The following PHACTR1 variants were observed in gnomAD, a reference collection of about 807,000 sequenced individuals.
PHACTR1 encodes the protein RPEL repeat containing 1.
Under a neutral mutation model 69.2 loss-of-function variants are expected in PHACTR1, and 16 were observed. The observed-to-expected ratio is 0.23, with a 90% CI of 0.16 to 0.35. The LOEUF is 0.35. Ranked by LOEUF, PHACTR1 falls within the 10% of genes least tolerant of loss-of-function variation. The probability of loss-of-function intolerance (pLI) is 1.00; values close to 1 mark genes in which losing one functional copy is unlikely to be tolerated. For missense variants in PHACTR1, 510 were observed against 734.7 expected (o/e 0.69, Z 3.54); for synonymous variants, 312 against 284.5 (o/e 1.10, Z -0.97).
At chr6:12,803,496 C>A (rs148480924) in intron 4 of PHACTR1, among the ~76,000 whole-genome samples, 1 of 152,170 alleles carries the variant, frequency 6.6e-6, no homozygotes, top group Non-Finnish European at 1.5e-5. Context: ...CGTGCCAAAA[C>A]CATGCTACTC....
At chr6:13,211,338 G>T (rs1235589242) in intron 8 of PHACTR1, among the ~76,000 whole-genome samples, 1 of 151,672 alleles carries the variant, frequency 6.6e-6, no homozygotes, top group African/African-American at 2.4e-5. Context: ...TCATTTCAAA[G>T]ATGATGCAGT....
intron 6 of PHACTR1, among the ~76,000 whole-genome samples, chr6:13,167,356 C>T (rs1039278973): frequency 6.6e-6 from 1 of 152,236 alleles, no homozygotes; most frequent in African/African-American, 2.4e-5. Flanking sequence ...CAGTGTCACT[C>T]ACTTTGTATG....
chr6:12,933,509 C>G (rs1186784346), intron 4 of PHACTR1: 39 of 1,472,384 alleles, frequency 2.6e-5, no homozygotes, highest in Non-Finnish European at 3.4e-5. Context: ...AGGCAGCAAA[C>G]AGATCGGTTA....
At chr6:13,119,421 C>G (rs1272763550) in intron 5 of PHACTR1, among the ~76,000 whole-genome samples, 1 of 152,216 alleles carries the variant, frequency 6.6e-6, no homozygotes, top group Non-Finnish European at 1.5e-5. Context: ...CCTACACATA[C>G]TGACCTCACT....
intron 4 of PHACTR1, among the ~76,000 whole-genome samples, chr6:12,987,042 A>AAT (rs66534138): frequency 0.19 from 29,349 of 152,092 alleles, 3,182 homozygotes; most frequent in South Asian, 0.28. Context: ...TCACAATTGG[A>AAT]ATATATATAT....
intron 5 of PHACTR1, among the ~76,000 whole-genome samples, chr6:13,126,791 G>T (rs552639922): frequency 2.0e-5 from 3 of 152,356 alleles, no homozygotes; most frequent in African/African-American, 7.2e-5. Context: ...GGTAGATATG[G>T]AATTTGTGCT....
chr6:13,216,917 T>A (rs1335600240), intron 8 of PHACTR1, among the ~76,000 whole-genome samples: 1 of 152,078 alleles, frequency 6.6e-6, no homozygotes, highest in Admixed American at 6.6e-5. Context: ...TTTTAAGACT[T>A]AAGAGGATTA....
intron 4 of PHACTR1, among the ~76,000 whole-genome samples, chr6:12,982,943 C>A (rs1454621627): frequency 6.6e-6 from 1 of 152,162 alleles, no homozygotes; most frequent in Non-Finnish European, 1.5e-5. Context: ...TTTTGAATTT[C>A]TTCTTTGATC....
At chr6:12,995,256 CAG>C (rs2127613144) in intron 4 of PHACTR1, among the ~76,000 whole-genome samples, 1 of 140,586 alleles carries the variant, frequency 7.1e-6, no homozygotes, top group East Asian at 2.1e-4. Context: ...AAAAAAAAAA[CAG>C]AAACAAAATA....
In PHACTR1 at chr6:13,177,172, TAAAA is replaced by T. The variant is rs530741132; in HGVS notation, c.497-5319_497-5316del. Among the ~76,000 whole-genome samples, 257 of 63,334 alleles carry T rather than the reference TAAAA, an allele frequency of 4.1e-3. 5 individuals are homozygous for T. The highest frequency in any genetic ancestry group is 0.01 in the African/African-American group (98 of 9,774). 41.5% of individuals were successfully genotyped at this position (63,334 alleles called of 152,430 possible). ...TGGCAAAATAGCAAGACCCCATCTCTAAAAAAAAAAAAAAAAAAAAAAAAAAAAA... is the reference window on the plus strand; with the variant it reads ...TGGCAAAATAGCAAGACCCCATCTCTAAAAAAAAAAAAAAAAAAAAAAAAA... On this transcript the variant is annotated intron_variant, in intron 6 of 14. Transcript: ENST00000332995.
chr6:13,088,461 A>C (rs1812677186), intron 5 of PHACTR1, among the ~76,000 whole-genome samples: 1 of 151,952 alleles, frequency 6.6e-6, no homozygotes, highest in Non-Finnish European at 1.5e-5. Flanking sequence ...TCAAATATCT[A>C]CCTAGGTGGT....
At chr6:12,780,794 T>C (rs549658634) in intron 4 of PHACTR1, among the ~76,000 whole-genome samples, 6 of 152,218 alleles carry the variant, frequency 3.9e-5, no homozygotes, top group Non-Finnish European at 8.8e-5. Flanking sequence ...ACACAAAGCT[T>C]AAATGGACAA....
At chr6:13,229,967 C>T (rs1770551047) in intron 9 of PHACTR1, 70 bp from the exon 10 acceptor site, 3 of 1,473,570 alleles carry the variant, frequency 2.0e-6, no homozygotes, top group African/African-American at 2.8e-5. Context: ...TATCTTATGA[C>T]CCAGGGTTGG....
In PHACTR1 at chr6:13,236,342, T is replaced by A. The variant is rs11754614; in HGVS notation, c.1391+6149T>A. Among the ~76,000 whole-genome samples, 1,036 of 152,320 alleles carry A rather than the reference T, an allele frequency of 6.8e-3. 15 individuals are homozygous for A. Among genetic ancestry groups the A allele is most frequent in the African/African-American group, 0.023 (936 of 41,570 alleles). ...AGATACTGACTTTATTTAAGCTACT[T>A]GGTGTATTCATTTGCTGGGGCTGCC... is the stretch of plus-strand genomic sequence containing the variant. On this transcript the variant is annotated intron_variant, in intron 10 of 14. Coordinates refer to ENST00000332995, the MANE Select transcript of PHACTR1 (RefSeq NM_030948.6).
chr6:13,230,975 C>T (rs1262363760), intron 10 of PHACTR1, among the ~76,000 whole-genome samples: 4 of 148,510 alleles, frequency 2.7e-5, no homozygotes, highest in East Asian at 2.0e-4. Context: ...ATTATTGTGC[C>T]ACTGCACTCC....
intron 4 of PHACTR1, among the ~76,000 whole-genome samples, chr6:12,840,590 T>C (rs764068612): frequency 6.6e-6 from 1 of 152,170 alleles, no homozygotes; most frequent in African/African-American, 2.4e-5. Flanking sequence ...GCAACAGCAA[T>C]GTATCACAGC....
rs537098115 is a variant in PHACTR1 at position 13,023,042 on chromosome 6, A to T, written c.251-30323A>T. 2.8e-4 allele frequency among the ~76,000 whole-genome samples: 42 copies of T among 152,036 alleles called. 1 individual carries two copies. The highest frequency in any genetic ancestry group is 7.7e-4 in the East Asian group (4 of 5,178). On this transcript the variant is annotated intron_variant, in intron 4 of 14. Transcript: ENST00000332995. ...AAAATAATAATAATAATAATAATAA[A>T]AATAAAGTACCACTCCTGACCATTT...
intron 4 of PHACTR1, among the ~76,000 whole-genome samples, chr6:12,926,352 G>A (rs1375040561): frequency 2.0e-5 from 3 of 152,130 alleles, no homozygotes; most frequent in East Asian, 1.9e-4. Context: ...CTTCTCTTCT[G>A]GTTACATACC....
At chr6:13,195,699 A>G (rs1163698253) in intron 7 of PHACTR1, among the ~76,000 whole-genome samples, 1 of 142,740 alleles carries the variant, frequency 7.0e-6, no homozygotes, top group Non-Finnish European at 1.5e-5. Context: ...CGGACATTGC[A>G]GTGAGCTGAG....
Sources: gnomAD v4.1 joint callset for allele counts (sites outside exome capture counted in the v4.1 genomes callset) on GRCh38, gnomAD v4.1.1 for gene constraint, MANE v1.5 for transcripts, NCBI Gene and HGNC (gene_info 2026-07-23, HGNC 2026-07-21) for gene names.